CSGALNACT1: variants seen among roughly 807,000 people sequenced by gnomAD.
CSGALNACT1 encodes chondroitin sulfate N-acetylgalactosaminyltransferase 1.
In CSGALNACT1, 52 loss-of-function variants were observed where a neutral mutation model predicts 51.0. The observed-to-expected ratio is 1.02, with a 90% CI of 0.82 to 1.29. CSGALNACT1 has a LOEUF of 1.29. CSGALNACT1 is among the 50% of genes most tolerant of loss of function. The probability of loss-of-function intolerance (pLI) is 0.00; values close to 1 mark genes in which losing one functional copy is unlikely to be tolerated. For synonymous variants in CSGALNACT1, 341 were observed against 254.4 expected (o/e 1.34, Z -3.24); for missense variants, 935 against 679.2 (o/e 1.38, Z -4.19).
At chr8:19,492,806 T>G (rs375024986) in intron 4 of CSGALNACT1, among the ~76,000 whole-genome samples, 4 of 152,222 alleles carry the variant, frequency 2.6e-5, no homozygotes, top group African/African-American at 9.6e-5. Context: ...AACTGGAAAT[T>G]CATCTTTATA....
At chr8:19,669,575 C>CT (rs2059632785) in intron 1 of CSGALNACT1, among the ~76,000 whole-genome samples, 1 of 152,226 alleles carries the variant, frequency 6.6e-6, no homozygotes, top group Non-Finnish European at 1.5e-5. Context: ...CTTCAGCCTC[C>CT]TGAGTAGCTG....
intron 5 of CSGALNACT1, among the ~76,000 whole-genome samples, chr8:19,441,052 C>T (rs543535259): frequency 3.3e-5 from 5 of 152,258 alleles, no homozygotes; most frequent in Non-Finnish European, 7.4e-5. Flanking sequence ...CAAACCACTG[C>T]TCAATGAAAT....
intron 1 of CSGALNACT1, among the ~76,000 whole-genome samples, chr8:19,616,918 G>A (rs2053108437): frequency 6.6e-6 from 1 of 152,204 alleles, no homozygotes; most frequent in Non-Finnish European, 1.5e-5. Flanking sequence ...AGGGTTGGGG[G>A]AGATGATTTG....
At chr8:19,698,372 C>T (rs1007644147) in intron 1 of CSGALNACT1, among the ~76,000 whole-genome samples, 1 of 152,204 alleles carries the variant, frequency 6.6e-6, no homozygotes, top group African/African-American at 2.4e-5. Flanking sequence ...ACGATGCACA[C>T]TTGTTCATGC....
At chr8:19,473,082 C>T (rs905789645) in intron 4 of CSGALNACT1, among the ~76,000 whole-genome samples, 4 of 152,048 alleles carry the variant, frequency 2.6e-5, no homozygotes, top group South Asian at 2.1e-4. Flanking sequence ...CTTGCTCTAC[C>T]GGCATTAAAT....
At chr8:19,445,854 T>C (rs563321537) in intron 5 of CSGALNACT1, among the ~76,000 whole-genome samples, 1 of 152,254 alleles carries the variant, frequency 6.6e-6, no homozygotes, top group Admixed American at 6.5e-5. Context: ...TGTGTCCATA[T>C]GTTTTTGGTT....
At chr8:19,666,813 G>GAAAGAAAGAAAGAAAGAA (rs1564383282) in intron 1 of CSGALNACT1, among the ~76,000 whole-genome samples, 2 of 23,972 alleles carry the variant, frequency 8.3e-5, no homozygotes, top group South Asian at 1.6e-3. Context: ...GAAAGAAAGA[G>GAAAGAAAGAAAGAAAGAA]AGAGAGAGAG....
intron 1 of CSGALNACT1, among the ~76,000 whole-genome samples, chr8:19,698,759 T>C (rs1471323547): frequency 7.1e-6 from 1 of 139,980 alleles, no homozygotes; most frequent in Non-Finnish European, 1.6e-5. Flanking sequence ...GAAAAGAGAA[T>C]GGATAACCCA....
intron 4 of CSGALNACT1, among the ~76,000 whole-genome samples, chr8:19,504,941 A>T (rs1334229565): frequency 6.6e-6 from 1 of 152,234 alleles, no homozygotes; most frequent in East Asian, 1.9e-4. Flanking sequence ...TTAAAATGAA[A>T]GGAAGAAGTT....
In CSGALNACT1 at chr8:19,544,227, T is replaced by C. The variant is rs571704659; in HGVS notation, c.-296-38097A>G. Among the ~76,000 whole-genome samples the C allele has an allele frequency of 2.0e-5, 3 of 152,294 alleles. No individual in the cohort carries two copies. The South Asian group carries it at 6.2e-4, about 32-fold the overall frequency. ...CTTGCCAGAGGCAACAAAATAAAAC[T>C]GAGCAGACAGCTGGAATATGTGCCA... On this transcript the variant is annotated intron_variant, in intron 3 of 9. Transcript: ENST00000454498.
At chr8:19,447,059 T>C (rs1007651825) in intron 5 of CSGALNACT1, among the ~76,000 whole-genome samples, 2 of 152,134 alleles carry the variant, frequency 1.3e-5, no homozygotes, top group Non-Finnish European at 1.5e-5. Context: ...GGTCTTTGAG[T>C]TCTGTTATGA....
intron 4 of CSGALNACT1, among the ~76,000 whole-genome samples, chr8:19,473,462 A>G (rs930382886): frequency 2.0e-5 from 3 of 152,170 alleles, no homozygotes; most frequent in Non-Finnish European, 4.4e-5. Flanking sequence ...TCCCAGACAC[A>G]CAGAGTCTCC....
chr8:19,612,335 C>T (rs2052376677), intron 1 of CSGALNACT1, among the ~76,000 whole-genome samples: 1 of 148,036 alleles, frequency 6.8e-6, no homozygotes, highest in Admixed American at 6.6e-5. Context: ...AGGATGAATC[C>T]CTGTCTCAAA....
At chr8:19,677,889 A>G (rs951970266) in intron 1 of CSGALNACT1, among the ~76,000 whole-genome samples, 1 of 152,124 alleles carries the variant, frequency 6.6e-6, no homozygotes, top group African/African-American at 2.4e-5. Context: ...TGTCTGAAAA[A>G]CAATTAGAAG....
intron 1 of CSGALNACT1, among the ~76,000 whole-genome samples, chr8:19,751,138 T>A (rs1264472084): frequency 3.3e-5 from 5 of 152,078 alleles, no homozygotes; most frequent in Non-Finnish European, 7.4e-5. Flanking sequence ...GCCAATTCAA[T>A]GAGTATTTAT....
intron 3 of CSGALNACT1, among the ~76,000 whole-genome samples, chr8:19,569,515 T>C (rs893361993): frequency 2.1e-5 from 3 of 145,688 alleles, no homozygotes; most frequent in Admixed American, 6.7e-5. Context: ...GTTCTGGAGA[T>C]GAAAAAAAAA....
intron 4 of CSGALNACT1, among the ~76,000 whole-genome samples, chr8:19,463,792 C>G (rs1051610146): frequency 1.3e-5 from 2 of 152,198 alleles, no homozygotes; most frequent in African/African-American, 4.8e-5. Context: ...TGTAATTACT[C>G]CTTGTGCAAG....
chr8:19,475,662 A>G (rs4921649), intron 4 of CSGALNACT1, among the ~76,000 whole-genome samples: 118,705 of 152,068 alleles, frequency 0.78, 46,587 homozygotes, highest in East Asian at 0.87. Flanking sequence ...AAAAGCACAC[A>G]AGCAAACAAC....
At chr8:19,415,757 G>A (rs1013845543) in intron 8 of CSGALNACT1, among the ~76,000 whole-genome samples, 6 of 152,142 alleles carry the variant, frequency 3.9e-5, no homozygotes, top group Non-Finnish European at 8.8e-5. Flanking sequence ...TAAACCCAAA[G>A]GAACTTTAAC....
Sources: gnomAD v4.1 joint callset for allele counts (sites outside exome capture counted in the v4.1 genomes callset) on GRCh38, gnomAD v4.1.1 for gene constraint, MANE v1.5 for transcripts, NCBI Gene and HGNC (gene_info 2026-07-23, HGNC 2026-07-21) for gene names.